Variants in CCL28 observed in about 807,000 individuals in gnomAD.
The protein encoded by CCL28 is C-C motif chemokine ligand 28.
In CCL28, 4 loss-of-function variants were observed where a neutral mutation model predicts 7.1. That is an observed-to-expected ratio of 0.56 (90% confidence interval 0.28 to 1.29). The LOEUF is 1.29. Ranked by LOEUF, CCL28 falls within the 50% of genes most tolerant of loss-of-function variation. The pLI, the probability that CCL28 is intolerant of heterozygous loss-of-function variation, is 0.11. For missense variants in CCL28, 151 were observed against 163.4 expected (o/e 0.92, Z 0.41); for synonymous variants, 55 against 57.8 (o/e 0.95, Z 0.22).
At chr5:43,374,826 A>G (rs903007237), downstream of CCL28, among the ~76,000 whole-genome samples, 6 of 151,588 alleles carry the variant, frequency 4.0e-5, no homozygotes, top group Admixed American at 6.6e-5. Context: ...GATGCGTACT[A>G]ATACTACATT....
rs202053898 is a variant in CCL28, at chr5:43,407,906, C to T, written c.64+4347G>A. Among the ~76,000 whole-genome samples, 2 of 152,030 alleles carry T rather than the reference C, an allele frequency of 1.3e-5. 1 individual carries two copies. Among genetic ancestry groups the T allele is most frequent in the South Asian group, 4.1e-4 (2 of 4,830 alleles). The stretch of plus-strand genomic sequence containing the variant: ...ATGAAAAAATGCTCATCATCACTGG[C>T]CATCAGAGAAATGCAAATCAAAACC... On this transcript the variant is annotated intron_variant, in intron 1 of 2. Transcript: ENST00000361115.
At chr5:43,378,837 T>C (rs1739992639), downstream of CCL28, among the ~76,000 whole-genome samples, 2 of 152,140 alleles carry the variant, frequency 1.3e-5, no homozygotes, top group Admixed American at 1.3e-4. Flanking sequence ...GGTTCGCACC[T>C]GTAGTCCCAG....
chr5:43,361,404 C>T, the CCL28 span, among the ~76,000 whole-genome samples: 1 of 152,172 alleles, frequency 6.6e-6, no homozygotes, highest in South Asian at 2.1e-4. Flanking sequence ...TTGTTGGATG[C>T]ATAGTTTGCA....
intron 1 of CCL28, among the ~76,000 whole-genome samples, chr5:43,396,017 G>A (rs1005745503): frequency 6.6e-6 from 1 of 151,674 alleles, no homozygotes; most frequent in Admixed American, 6.6e-5. Context: ...TACTACAGAC[G>A]CCCGCCACCA....
intron 1 of CCL28, among the ~76,000 whole-genome samples, chr5:43,411,142 A>ATGTG (rs1417888355): frequency 6.6e-6 from 1 of 152,166 alleles, no homozygotes; most frequent in Non-Finnish European, 1.5e-5. Context: ...TCCAATTTGT[A>ATGTG]TGTGTGTATG....
At chr5:43,407,728 T>A (rs186899115) in intron 1 of CCL28, among the ~76,000 whole-genome samples, 7 of 151,996 alleles carry the variant, frequency 4.6e-5, no homozygotes, top group Admixed American at 3.9e-4. Flanking sequence ...GGGAGAAAAA[T>A]TTTTACAATC....
At chr5:43,384,550 A>G (rs917915345) in intron 2 of CCL28, among the ~76,000 whole-genome samples, 9 of 152,146 alleles carry the variant, frequency 5.9e-5, no homozygotes, top group Non-Finnish European at 1.3e-4. Flanking sequence ...TCGCAATTCC[A>G]TAGTATTCTG....
chr5:43,386,870 A>G (rs1740357026), intron 2 of CCL28, among the ~76,000 whole-genome samples: 1 of 152,210 alleles, frequency 6.6e-6, no homozygotes, highest in Admixed American at 6.5e-5. Context: ...TGCAGAACCC[A>G]GCTGGATAAA....
chr5:43,402,675 G>A (rs1328069304), intron 1 of CCL28, among the ~76,000 whole-genome samples: 1 of 152,194 alleles, frequency 6.6e-6, no homozygotes, highest in Admixed American at 6.5e-5. Flanking sequence ...CAGACAGTGG[G>A]TGCAGTCCAT....
At chr5:43,364,973 C>T in the CCL28 span, among the ~76,000 whole-genome samples, 1 of 150,144 alleles carries the variant, frequency 6.7e-6, no homozygotes. Context: ...AGATGCGTCT[C>T]CTGCATACAC....
At chr5:43,388,255 T>TG in intron 2 of CCL28, 95 bp downstream of exon 2, 1 of 1,443,708 alleles carries the variant, frequency 6.9e-7, no homozygotes, top group Non-Finnish European at 9.5e-7. Context: ...ATTGTTTGTA[T>TG]GTTGTAATCA....
chr5:43,396,034 G>T (rs964470211), intron 1 of CCL28, among the ~76,000 whole-genome samples: 4 of 151,674 alleles, frequency 2.6e-5, no homozygotes, highest in East Asian at 3.9e-4. Flanking sequence ...ACCACACCCG[G>T]CTAATTTTTG....
intron 1 of CCL28, among the ~76,000 whole-genome samples, chr5:43,392,726 C>A (rs1009944148): frequency 6.6e-6 from 1 of 152,120 alleles, no homozygotes; most frequent in Non-Finnish European, 1.5e-5. Flanking sequence ...CATTTGTGTT[C>A]CCCTACTGGT....
At chr5:43,404,203 T>C (rs1302123497) in intron 1 of CCL28, among the ~76,000 whole-genome samples, 3 of 152,110 alleles carry the variant, frequency 2.0e-5, no homozygotes, top group Non-Finnish European at 4.4e-5. Flanking sequence ...AGACACATAA[T>C]TGTCAGATTC....
intron 1 of CCL28, among the ~76,000 whole-genome samples, chr5:43,391,920 C>T (rs899439197): frequency 6.6e-6 from 1 of 152,142 alleles, no homozygotes; most frequent in Admixed American, 6.5e-5. Flanking sequence ...TACATACATT[C>T]TGGCACTTTT....
At chr5:43,374,234 T>G (rs1018028884), downstream of CCL28, among the ~76,000 whole-genome samples, 4 of 152,236 alleles carry the variant, frequency 2.6e-5, no homozygotes, top group African/African-American at 9.6e-5. Flanking sequence ...TGTACTGTTT[T>G]GATAAGTTTA....
intron 2 of CCL28, among the ~76,000 whole-genome samples, chr5:43,383,059 T>G (rs1407701733): frequency 6.6e-6 from 1 of 152,114 alleles, no homozygotes; most frequent in Admixed American, 6.6e-5. Flanking sequence ...ACTCAGGTGA[T>G]CCACTCGCCT....
At chr5:43,372,087 A>G (rs11950040), downstream of CCL28, among the ~76,000 whole-genome samples, 75,647 of 151,900 alleles carry the variant, frequency 0.5, 19,448 homozygotes, top group Middle Eastern at 0.62. Context: ...CTTATTCAGT[A>G]CCACAAGGAT....
At chr5:43,376,842 G>A (rs1192478557), downstream of CCL28, 2 of 152,280 alleles carry the variant, frequency 1.3e-5, no homozygotes, top group East Asian at 1.9e-4. Context: ...CTTCTGGTAG[G>A]GTCCTTCAGA....
Sources: gnomAD v4.1 joint callset for allele counts (sites outside exome capture counted in the v4.1 genomes callset) on GRCh38, gnomAD v4.1.1 for gene constraint, MANE v1.5 for transcripts, NCBI Gene and HGNC (gene_info 2026-07-23, HGNC 2026-07-21) for gene names.